EZH1: variants seen among roughly 807,000 people sequenced by gnomAD.
EZH1 encodes the protein enhancer of zeste 1 polycomb repressive complex 2 subunit.
EZH1 carries 33 observed loss-of-function variants against 100.5 expected under a neutral mutation model. The observed-to-expected ratio is 0.33, with a 90% CI of 0.25 to 0.44. The LOEUF is 0.44. Ranked by LOEUF, EZH1 falls within the 20% of genes least tolerant of loss-of-function variation. The probability of loss-of-function intolerance (pLI) is 1.00; values close to 1 mark genes in which losing one functional copy is unlikely to be tolerated. For synonymous variants in EZH1, 272 were observed against 313.8 expected (o/e 0.87, Z 1.41); for missense variants, 475 against 928.4 (o/e 0.51, Z 6.35).
chr17:42,727,855 C>A, intron 3 of EZH1, 92 bp from the exon 4 acceptor site: 2 of 986,090 alleles, frequency 2.0e-6, no homozygotes, highest in South Asian at 5.4e-5. Context: ...GCTCTGTTGT[C>A]ACCCAGGCTG....
At chr17:42,729,015 CA>C (rs373619081) in intron 2 of EZH1, 63 bp from the exon 3 acceptor site, 197,867 of 915,922 alleles carry the variant, frequency 0.22, 18 homozygotes, top group South Asian at 0.25. Flanking sequence ...TCCTCAAATA[CA>C]AAAAAAAAAA....
intron 1 of EZH1, among the ~76,000 whole-genome samples, chr17:42,733,334 T>C (rs1179121838): frequency 8.1e-6 from 1 of 123,766 alleles, no homozygotes; most frequent in Non-Finnish European, 1.6e-5. Flanking sequence ...CAAAACTCTG[T>C]CTCAAAAAAA....
rs149401359 is a variant in EZH1, at chr17:42,740,343, G to A, written c.-103+4668C>T. On this transcript the variant is annotated intron_variant, in intron 1 of 20. Coordinates refer to ENST00000428826, the MANE Select transcript of EZH1 (RefSeq NM_001991.5). ...CAACCTCCGCCTCCCGGGTTCAAGC[G>A]ATTCTCCTGCCTCAGCCTCCCGCGT... Among the ~76,000 whole-genome samples the A allele has an allele frequency of 9.4e-3, 1,421 of 150,548 alleles. 23 individuals are homozygous for A. Among genetic ancestry groups the A allele is most frequent in the African/African-American group, 0.033 (1,336 of 40,972 alleles).
chr17:42,720,303 T>A lies in EZH1; in HGVS notation c.634A>T (p.Thr212Ser). The change falls in exon 7 of 21, where the codon ACA becomes TCA. Residue 212 changes from threonine to serine, a missense_variant. By Grantham distance (58) the Thr-to-Ser change is moderately conservative (BLOSUM62 1). This residue lies in a region of EZH1 where 180 missense variants were observed against 295.3 expected (regional missense o/e 0.61). Coordinates refer to ENST00000428826, the MANE Select transcript of EZH1 (RefSeq NM_001991.5). Reference protein sequence around the residue: ...QDDSKEDLPVTRKRKRHAIEG... With the variant: ...QDDSKEDLPVSRKRKRHAIEG... ...ATAGCATGTCGCTTTCTCTTTCTTG[T>A]TACTGGCAGATCTTCTTTGCTGTCA... is the stretch of plus-strand genomic sequence containing the variant. 6.2e-7 allele frequency: 1 copy of A among 1,613,958 alleles called. No individual in the cohort carries two copies. Among genetic ancestry groups the A allele is most frequent in the Non-Finnish European group, 8.5e-7 (1 of 1,179,960 alleles).
chr17:42,736,909 G>A (rs889349454), intron 1 of EZH1, among the ~76,000 whole-genome samples: 2 of 151,710 alleles, frequency 1.3e-5, no homozygotes, highest in Admixed American at 6.6e-5. Context: ...AAAATAAGAC[G>A]CAAATAACTG....
In EZH1 at chr17:42,735,977, C is replaced by T. The variant is rs541513076; in HGVS notation, c.-102-5059G>A. Among the ~76,000 whole-genome samples, 18 of 150,538 alleles carry T rather than the reference C, an allele frequency of 1.2e-4. No individual in the cohort carries two copies. The South Asian group carries it at 3.1e-3, about 26-fold the overall frequency. On this transcript the variant is annotated intron_variant, in intron 1 of 20. Transcript: ENST00000428826. ...TCCAACCTGGGAGACAGCGAGACTCCGTCTCAAAAAAAAAAAGAGCAGAAA... is the reference window on the plus strand; with the variant it reads ...TCCAACCTGGGAGACAGCGAGACTCTGTCTCAAAAAAAAAAAGAGCAGAAA...
Position 42,729,875 on chromosome 17 carries a change from T to C in EZH1, c.-11-923A>G, listed in dbSNP as rs564315697. Among the ~76,000 whole-genome samples, 5 of 151,678 alleles carry C rather than the reference T, an allele frequency of 3.3e-5. No homozygotes were observed. In the South Asian group the frequency reaches 1.0e-3, roughly 32 times the overall value. ...CAAGATGCTGAAACCCCGTCTCTACTAAAAATACAAAAATTAGCTGGATGT... is the reference window on the plus strand; with the variant it reads ...CAAGATGCTGAAACCCCGTCTCTACCAAAAATACAAAAATTAGCTGGATGT... On this transcript the variant is annotated intron_variant, in intron 2 of 20. Coordinates refer to ENST00000428826, the MANE Select transcript of EZH1 (RefSeq NM_001991.5).
intron 18 of EZH1, among the ~76,000 whole-genome samples, chr17:42,704,076 G>A (rs923232535): frequency 1.3e-5 from 2 of 152,118 alleles, no homozygotes; most frequent in Admixed American, 6.5e-5. Flanking sequence ...AGGTAAAGAC[G>A]CTCAGCACTC....
intron 14 of EZH1, 34 bp downstream of exon 14, chr17:42,708,842 C>A (rs1484434743): frequency 6.2e-7 from 1 of 1,613,604 alleles, no homozygotes; most frequent in Non-Finnish European, 8.5e-7. Context: ...AGGCCTCCAG[C>A]TGAACTGCTG....
chr17:42,720,288 G>A lies in EZH1; in HGVS notation c.649C>T (p.Arg217Ter), dbSNP rs781642151. ...TGCTACGTACCTTCAATAGCATGTC[G>A]CTTTCTCTTTCTTGTTACTGGCAGA... ...EDLPVTRKRKRHAIEGNKKSS... is the reference protein window; with the variant it reads ...EDLPVTRKRK Residue 217 changes from arginine (R) to a stop codon, truncating the protein, a stop_gained, in exon 7 of 21, where the codon CGA (arginine) becomes TGA (stop). Transcript: ENST00000428826. LOFTEE classifies it high-confidence loss of function. The A allele has an allele frequency of 5.0e-6, 8 of 1,613,542 alleles. No individual in the cohort carries two copies. The highest frequency in any genetic ancestry group is 3.3e-5 in the South Asian group (3 of 91,002).
intron 13 of EZH1, chr17:42,709,219 T>G: frequency 2.9e-6 from 1 of 348,524 alleles, no homozygotes; most frequent in Non-Finnish European, 5.3e-6. Context: ...CTATTGTTTC[T>G]CTCCAAATCT....
intron 1 of EZH1, among the ~76,000 whole-genome samples, chr17:42,738,531 AT>A (rs140094331): frequency 6.7e-6 from 1 of 148,778 alleles, no homozygotes. Flanking sequence ...TATTTTTTTT[AT>A]TTTTTTTTGA....
Position 42,745,004 on chromosome 17 carries a change from C to A in EZH1, c.-103+7G>T. 7.8e-7 allele frequency: 1 copy of A among 1,274,940 alleles called. No homozygotes were observed. Among genetic ancestry groups the A allele is most frequent in the Admixed American group, 2.4e-5 (1 of 41,798 alleles). The allele number at this position is 1,274,940 out of a possible 1,614,324, so 79.0% of individuals were successfully genotyped here. On this transcript the variant is annotated splice_region_variant and intron_variant, in intron 1 of 20. Transcript: ENST00000428826. ...ACCGCCCGGCCCAGGCTTGTTTACT[C>A]ACTCACCCTCCATCCCGAGCCGCGG... is the stretch of plus-strand genomic sequence containing the variant.
intron 13 of EZH1, chr17:42,709,450 G>C: frequency 5.4e-6 from 1 of 183,972 alleles, no homozygotes; most frequent in East Asian, 1.4e-4. Flanking sequence ...CCTAAGTAAA[G>C]GCTATCATGT....
At chr17:42,734,164 C>T (rs1463622051) in intron 1 of EZH1, among the ~76,000 whole-genome samples, 4 of 151,454 alleles carry the variant, frequency 2.6e-5, no homozygotes, top group Non-Finnish European at 5.9e-5. Context: ...CCTTGTGCCT[C>T]AGCCTCCTGA....
chr17:42,703,646 A>G, intron 19 of EZH1, 94 bp downstream of exon 19: 1 of 891,284 alleles, frequency 1.1e-6, no homozygotes, highest in Non-Finnish European at 1.8e-6. Flanking sequence ...TGGACAAAAA[A>G]TAGCTCAGCT....
At chr17:42,702,655 A>G in intron 20 of EZH1, 63 bp from the exon 21 acceptor site, 1 of 1,498,788 alleles carries the variant, frequency 6.7e-7, no homozygotes, top group Admixed American at 2.0e-5. Context: ...GAAAAGGCGG[A>G]GTCCCCTCCC....
intron 1 of EZH1, among the ~76,000 whole-genome samples, chr17:42,743,637 T>G (rs912013830): frequency 6.7e-6 from 1 of 150,322 alleles, no homozygotes; most frequent in African/African-American, 2.4e-5. Flanking sequence ...ATCTGGCTAT[T>G]TTTTTTTTGT....
chr17:42,717,815 G>A (rs909634516), intron 10 of EZH1, among the ~76,000 whole-genome samples, 161 bp downstream of exon 10: 1 of 152,140 alleles, frequency 6.6e-6, no homozygotes, highest in Non-Finnish European at 1.5e-5. Context: ...ACCATGTCTG[G>A]GGAGTTCCTT....
Sources: allele counts gnomAD v4.1 joint callset (sites outside exome capture counted in the v4.1 genomes callset), GRCh38; gene constraint gnomAD v4.1.1; regional missense constraint gnomAD v4.1.1; transcripts MANE v1.5; gene names NCBI Gene and HGNC (gene_info 2026-07-23, HGNC 2026-07-21).